The following SYCP2L variants were observed in gnomAD, a reference collection of about 807,000 sequenced individuals.
SYCP2L encodes the protein synaptonemal complex protein 2 like.
Under a neutral mutation model 125.8 loss-of-function variants are expected in SYCP2L, and 98 were observed. The ratio of observed to expected loss-of-function variants is 0.78; its 90% CI spans 0.66 to 0.92. The LOEUF (loss-of-function observed/expected upper bound fraction) is 0.92, where lower values mean the gene tolerates loss of function less well. Ranked by LOEUF, SYCP2L falls within the 40% of genes least tolerant of loss-of-function variation. The probability of loss-of-function intolerance (pLI) is 0.00; values close to 1 mark genes in which losing one functional copy is unlikely to be tolerated. For missense variants in SYCP2L, 842 were observed against 936.4 expected (o/e 0.90, Z 1.32); for synonymous variants, 317 against 325.4 (o/e 0.97, Z 0.28).
At chr6:10,920,078 G>A (rs571670568) in intron 14 of SYCP2L, among the ~76,000 whole-genome samples, 48 of 152,322 alleles carry the variant, frequency 3.2e-4, no homozygotes, top group African/African-American at 9.9e-4. Flanking sequence ...TATCCATCAG[G>A]TGGTCTGGCT....
At chr6:10,923,437 G>A (rs1428571857) in intron 14 of SYCP2L, among the ~76,000 whole-genome samples, 1 of 144,924 alleles carries the variant, frequency 6.9e-6, no homozygotes, top group Non-Finnish European at 1.5e-5. Context: ...CCAGGCTGGA[G>A]TGCAGTGGCA....
chr6:10,895,634 G>A (rs952779603), intron 4 of SYCP2L, among the ~76,000 whole-genome samples: 2 of 151,896 alleles, frequency 1.3e-5, no homozygotes, highest in African/African-American at 2.4e-5. Flanking sequence ...AACAAAAGGG[G>A]GGGGTACTAT....
intron 29 of SYCP2L, among the ~76,000 whole-genome samples, chr6:10,966,917 A>G (rs1380977466): frequency 6.6e-6 from 1 of 152,220 alleles, no homozygotes; most frequent in Non-Finnish European, 1.5e-5. Context: ...AATATATTAG[A>G]AACAGCAATA....
chr6:10,889,783 G>A (rs1049365401), intron 1 of SYCP2L, among the ~76,000 whole-genome samples: 4 of 152,054 alleles, frequency 2.6e-5, no homozygotes, highest in African/African-American at 7.2e-5. Flanking sequence ...ACCCTGCCCG[G>A]ATAATTTTCT....
chr6:10,959,444 T>C (rs1781559855), intron 26 of SYCP2L, among the ~76,000 whole-genome samples: 1 of 152,198 alleles, frequency 6.6e-6, no homozygotes, highest in South Asian at 2.1e-4. Context: ...CTGTTTGGGA[T>C]GATGGAAGAG....
In SYCP2L at chr6:10,965,235, A is replaced by G. The variant is rs573300537; in HGVS notation, c.*37+1392A>G. On this transcript the variant is annotated intron_variant, in intron 29 of 29. Coordinates refer to ENST00000283141, the MANE Select transcript of SYCP2L (RefSeq NM_001040274.3). ...CAAGTTGGTGGTTCTAAGCAGGAGG[A>G]TAGCAGTGGAGGTGGTGAGAAATAG... 2.0e-5 allele frequency among the ~76,000 whole-genome samples: 3 copies of G among 152,286 alleles called. No homozygotes were observed. The South Asian group carries it at 6.2e-4, about 32-fold the overall frequency.
intron 8 of SYCP2L, among the ~76,000 whole-genome samples, chr6:10,905,334 C>T (rs980854702): frequency 6.6e-6 from 1 of 151,112 alleles, no homozygotes; most frequent in Non-Finnish European, 1.5e-5. Context: ...CTCTTGTTGC[C>T]CAGGCTGGAG....
At chr6:10,957,403 G>C (rs1781518816) in intron 25 of SYCP2L, among the ~76,000 whole-genome samples, 1 of 152,194 alleles carries the variant, frequency 6.6e-6, no homozygotes, top group African/African-American at 2.4e-5. Context: ...GTGTAAATCA[G>C]ACTGATAGTT....
intron 23 of SYCP2L, among the ~76,000 whole-genome samples, chr6:10,948,246 A>G (rs79534077): frequency 0.017 from 2,540 of 152,206 alleles, 68 homozygotes; most frequent in African/African-American, 0.058. Context: ...GTACATATAC[A>G]TTATTATTAG....
At chr6:10,903,051 G>A in intron 8 of SYCP2L, 88 bp downstream of exon 8, 1 of 1,044,794 alleles carries the variant, frequency 9.6e-7, no homozygotes, top group East Asian at 2.4e-5. Context: ...ACTTAGACCT[G>A]ATTATGTCCT....
intron 2 of SYCP2L, 30 bp downstream of exon 2, chr6:10,891,611 CTCTGTG>C (rs763829739): frequency 0.087 from 11,221 of 128,894 alleles, 435 homozygotes; most frequent in Admixed American, 0.12. Context: ...TATAATCTCT[CTCTGTG>C]TGTGTGTGTG....
At chr6:10,934,648 C>G (rs1232377151) in intron 20 of SYCP2L, among the ~76,000 whole-genome samples, 2 of 152,220 alleles carry the variant, frequency 1.3e-5, no homozygotes, top group African/African-American at 4.8e-5. Flanking sequence ...CTACTGCACT[C>G]TAGCCTGGGT....
In SYCP2L at chr6:10,887,106, C is replaced by A; in HGVS notation, c.-21C>A. 1 of 1,614,092 alleles carries A rather than the reference C, an allele frequency of 6.2e-7. No homozygotes were observed. Among genetic ancestry groups the A allele is most frequent in the Non-Finnish European group, 8.5e-7 (1 of 1,179,978 alleles). On this transcript the variant is annotated 5_prime_UTR_variant, in exon 1 of 30. Coordinates refer to ENST00000283141, the MANE Select transcript of SYCP2L (RefSeq NM_001040274.3). Reference sequence around the variant, plus strand: ...AACAAAGCTGAGCGGCGCGTCGCTTCAGGAACGAAGAAGCCTCGTTATGCA... The same window carrying A: ...AACAAAGCTGAGCGGCGCGTCGCTTAAGGAACGAAGAAGCCTCGTTATGCA...
In SYCP2L at chr6:10,910,066, A is replaced by G. The variant is rs1780578322; in HGVS notation, c.820-82A>G. The G allele has an allele frequency of 8.8e-6, 10 of 1,136,542 alleles. No individual in the cohort carries two copies. In the Admixed American group the frequency reaches 1.9e-4, roughly 22 times the overall value. The allele number at this position is 1,136,542 out of a possible 1,614,324, so 70.4% of individuals were successfully genotyped here. A position where few individuals can be genotyped will look rare whatever the true frequency, so the allele number is the denominator to read the frequency against. ...GCCTCCTGGTCATTTAGAAGCAAACACTGGCCTCTGTATGCTAAGGTAGTA... is the reference window on the plus strand; with the variant it reads ...GCCTCCTGGTCATTTAGAAGCAAACGCTGGCCTCTGTATGCTAAGGTAGTA... On this transcript the variant is annotated intron_variant, in intron 10 of 29. Coordinates refer to ENST00000283141, the MANE Select transcript of SYCP2L (RefSeq NM_001040274.3).
chr6:10,902,781 A>G lies in SYCP2L; in HGVS notation c.552+19A>G. 1.2e-6 allele frequency: 2 copies of G among 1,613,440 alleles called. No homozygotes were observed. Among genetic ancestry groups the G allele is most frequent in the South Asian group, 1.1e-5 (1 of 91,040 alleles). ...ACAGGAGGTGAGTTGCAAGTAACAA[A>G]ACAGGTAATAGTGGTTCCAGAAACC... On this transcript the variant is annotated intron_variant, in intron 7 of 29. Coordinates refer to ENST00000283141, the MANE Select transcript of SYCP2L (RefSeq NM_001040274.3).
In SYCP2L at chr6:10,963,802, C is replaced by T; in HGVS notation, c.2435C>T (p.Ser812Leu). 1 of 1,613,834 alleles carries T rather than the reference C, an allele frequency of 6.2e-7. No homozygotes were observed. Among genetic ancestry groups the T allele is most frequent in the East Asian group, 2.2e-5 (1 of 44,868 alleles). The change falls in exon 29 of 30, where the codon TCA (serine) becomes TTA (leucine). Residue 812 changes from serine (S) to leucine (L), a missense_variant. Transcript: ENST00000283141. ...TCCAGGTTCAATTCAACTCAGACTT[C>T]ATAAGAAAGCCAAAGCCTGGTTTTA... Reference protein sequence around the residue: ...QVLRFNSTQTS With the variant: ...QVLRFNSTQTL
chr6:10,941,114 A>C (rs1364814615), intron 21 of SYCP2L, among the ~76,000 whole-genome samples: 1 of 152,184 alleles, frequency 6.6e-6, no homozygotes, highest in Non-Finnish European at 1.5e-5. Context: ...GAAAGCTGAA[A>C]CTGGATCCCT....
intron 23 of SYCP2L, among the ~76,000 whole-genome samples, chr6:10,946,142 G>A (rs1225739): frequency 0.95 from 144,792 of 152,222 alleles, 69,212 homozygotes; most frequent in East Asian, 1. Flanking sequence ...TTTGTTTTGT[G>A]CTTTCTGTGT....
In SYCP2L at chr6:10,891,589, TC is replaced by T. The variant is rs757224738; in HGVS notation, c.78+9del. 1 of 1,539,348 alleles carries T rather than the reference TC, an allele frequency of 6.5e-7. No individual in the cohort carries two copies. Among genetic ancestry groups the T allele is most frequent in the Admixed American group, 1.7e-5 (1 of 58,532 alleles). ...CAGGATGATGCTTTCTGGGTAAAGA[TC>T]AAGTTTCTTTTATAATCTCTCTCTG... is the stretch of plus-strand genomic sequence containing the variant. On this transcript the variant is annotated intron_variant, in intron 2 of 29. Transcript: ENST00000283141.
Sources: allele counts gnomAD v4.1 joint callset (sites outside exome capture counted in the v4.1 genomes callset), GRCh38; gene constraint gnomAD v4.1.1; transcripts MANE v1.5; gene names NCBI Gene and HGNC (gene_info 2026-07-23, HGNC 2026-07-21).